The following SCMH1 variants were observed in gnomAD, a reference collection of about 807,000 sequenced individuals.
SCMH1 encodes the protein Scm polycomb group protein homolog 1, also known as polycomb protein SCMH1.
Under a neutral mutation model 70.8 loss-of-function variants are expected in SCMH1, and 37 were observed. That is an observed-to-expected ratio of 0.52 (90% CI 0.40 to 0.69). The LOEUF is 0.69. Ranked by LOEUF, SCMH1 falls within the 30% of genes least tolerant of loss-of-function variation. The pLI, the probability that SCMH1 is intolerant of heterozygous loss-of-function variation, is 0.00. For synonymous variants in SCMH1, 292 were observed against 307.4 expected (o/e 0.95, Z 0.52); for missense variants, 607 against 827.3 (o/e 0.73, Z 3.27).
At chr1:41,129,374 T>A (rs1336839319) in intron 6 of SCMH1, among the ~76,000 whole-genome samples, 3 of 152,148 alleles carry the variant, frequency 2.0e-5, no homozygotes, top group Non-Finnish European at 4.4e-5. Flanking sequence ...CTCCCTCAGC[T>A]CCTGGCAACT....
At chr1:41,117,567 TCAGGCCCGCCTG>T (rs1670823264) in intron 6 of SCMH1, among the ~76,000 whole-genome samples, 1 of 150,946 alleles carries the variant, frequency 6.6e-6, no homozygotes, top group African/African-American at 2.4e-5. Context: ...CTGACGTCAG[TCAGGCCCGCCTG>T]CAGTTATCCA....
chr1:41,151,768 T>TA, intron 4 of SCMH1, 84 bp from the exon 5 acceptor site: 1 of 874,242 alleles, frequency 1.1e-6, no homozygotes. Flanking sequence ...AACAGTAAGC[T>TA]ATTTGTAGAC....
chr1:41,112,379 T>G (rs1016120225), intron 8 of SCMH1, among the ~76,000 whole-genome samples: 1 of 152,104 alleles, frequency 6.6e-6, no homozygotes, highest in African/African-American at 2.4e-5. Context: ...TTTTTAGACT[T>G]AAGAGGATGA....
chr1:41,158,231 C>T (rs943433650), intron 4 of SCMH1, among the ~76,000 whole-genome samples: 2 of 152,196 alleles, frequency 1.3e-5, no homozygotes, highest in African/African-American at 4.8e-5. Flanking sequence ...AAGCACTGTG[C>T]TGAGTGCTGG....
intron 6 of SCMH1, among the ~76,000 whole-genome samples, chr1:41,123,010 A>C (rs1465763526): frequency 1.3e-5 from 2 of 152,198 alleles, no homozygotes; most frequent in Non-Finnish European, 2.9e-5. Flanking sequence ...ACTTCAGCCC[A>C]AAATTTAAAG....
intron 6 of SCMH1, among the ~76,000 whole-genome samples, chr1:41,118,685 A>G (rs1055060410): frequency 1.3e-5 from 2 of 152,248 alleles, no homozygotes; most frequent in African/African-American, 4.8e-5. Flanking sequence ...TTAACTGTCC[A>G]TTATCACCTA....
rs541622382 is a variant in SCMH1 at position 41,135,370 on chromosome 1, G to C, written c.412+7508C>G. 8.5e-5 allele frequency among the ~76,000 whole-genome samples: 13 copies of C among 152,228 alleles called. No individual in the cohort carries two copies. The East Asian group carries it at 2.3e-3, about 27-fold the overall frequency. Reference sequence around the variant, plus strand: ...ACATATGATGATAGGGACCCAGTGGGAGGTAAGTGAATCATGGGGGCAGTT... The same window carrying C: ...ACATATGATGATAGGGACCCAGTGGCAGGTAAGTGAATCATGGGGGCAGTT... On this transcript the variant is annotated intron_variant, in intron 6 of 14. Coordinates refer to ENST00000337495, the Ensembl canonical transcript of SCMH1.
intron 4 of SCMH1, among the ~76,000 whole-genome samples, chr1:41,156,332 G>T (rs987903651): frequency 6.6e-6 from 1 of 152,156 alleles, no homozygotes; most frequent in Non-Finnish European, 1.5e-5. Context: ...AACATCTTTA[G>T]ATCAGAAATT....
At chr1:41,160,087 C>G (rs1202692685) in intron 4 of SCMH1, among the ~76,000 whole-genome samples, 1 of 152,110 alleles carries the variant, frequency 6.6e-6, no homozygotes. Context: ...ATGTTATCTT[C>G]TGTGTCACTG....
chr1:41,053,999 C>T (rs865925766), intron 10 of SCMH1, among the ~76,000 whole-genome samples: 3 of 152,260 alleles, frequency 2.0e-5, no homozygotes, highest in Non-Finnish European at 2.9e-5. Context: ...CGCCCGCCAC[C>T]ACACCTGGCT....
chr1:41,070,661 G>C, exon 10 of SCMH1: 1 of 1,614,102 alleles, frequency 6.2e-7, no homozygotes, highest in Non-Finnish European at 8.5e-7. Flanking sequence ...CTGGTATCCG[G>C]TTCAGGAGTG....
At chr1:41,051,084 G>A (rs948029241) in intron 10 of SCMH1, among the ~76,000 whole-genome samples, 5 of 152,124 alleles carry the variant, frequency 3.3e-5, no homozygotes, top group African/African-American at 1.2e-4. Context: ...AAAGAGAAGA[G>A]ATACAAATTG....
At chr1:41,227,099 T>C (rs1237391125) in intron 1 of SCMH1, among the ~76,000 whole-genome samples, 1 of 152,258 alleles carries the variant, frequency 6.6e-6, no homozygotes, top group Non-Finnish European at 1.5e-5. Context: ...GGCTTTCCAT[T>C]GCACTGATAT....
Position 41,113,068 on chromosome 1 carries a change from T to C in SCMH1, c.745+215A>G, listed in dbSNP as rs1669612103. ...TATGTAGAGCAAAGAATTATTACTT[T>C]ATCCCAAATGCCATATGCGGTTTCA... On this transcript the variant is annotated intron_variant, in intron 8 of 14. Coordinates refer to ENST00000337495, the Ensembl canonical transcript of SCMH1. The surrounding 1 kb of genome is among the most constrained non-coding windows in gnomAD (Gnocchi z 4.3). 6.6e-6 allele frequency among the ~76,000 whole-genome samples: 1 copy of C among 152,224 alleles called. No homozygotes were observed. The highest frequency in any genetic ancestry group is 2.1e-4 in the South Asian group (1 of 4,826).
intron 2 of SCMH1, among the ~76,000 whole-genome samples, chr1:41,167,055 G>T (rs1171403229): frequency 6.6e-6 from 1 of 152,036 alleles, no homozygotes; most frequent in Non-Finnish European, 1.5e-5. Flanking sequence ...ATCATGAAAG[G>T]ATGTTGAATT....
intron 4 of SCMH1, among the ~76,000 whole-genome samples, chr1:41,157,396 T>C (rs568126651): frequency 2.0e-5 from 3 of 152,228 alleles, no homozygotes; most frequent in Non-Finnish European, 4.4e-5. Context: ...TCTTTTGTTT[T>C]CTCATAGATT....
intron 11 of SCMH1, among the ~76,000 whole-genome samples, chr1:41,048,296 G>A (rs1430627031): frequency 1.3e-5 from 2 of 152,214 alleles, no homozygotes; most frequent in South Asian, 2.1e-4. Flanking sequence ...TTAGGACGAG[G>A]AAGCTAAGGA....
At chr1:41,195,220 T>C (rs904810968) in intron 1 of SCMH1, among the ~76,000 whole-genome samples, 1 of 142,990 alleles carries the variant, frequency 7.0e-6, no homozygotes, top group African/African-American at 2.6e-5. Flanking sequence ...AACATGAAAC[T>C]AGCCATAGAT....
intron 2 of SCMH1, among the ~76,000 whole-genome samples, chr1:41,161,696 T>C (rs1646045976): frequency 6.6e-6 from 1 of 152,256 alleles, no homozygotes; most frequent in Admixed American, 6.5e-5. Flanking sequence ...CAAAGTATTT[T>C]GAAGCTGTTA....
Sources: allele counts gnomAD v4.1 joint callset (sites outside exome capture counted in the v4.1 genomes callset), GRCh38; gene constraint gnomAD v4.1.1; non-coding constraint Gnocchi (gnomAD v3.1); transcripts MANE v1.5; gene names NCBI Gene and HGNC (gene_info 2026-07-23, HGNC 2026-07-21).